DLGAP2: variants seen among roughly 807,000 people sequenced by gnomAD.
DLGAP2 encodes the protein disks large-associated protein 2.
In DLGAP2, 26 loss-of-function variants were observed where a neutral mutation model predicts 100.3. The observed-to-expected ratio is 0.26, with a 90% CI of 0.19 to 0.36. The LOEUF (loss-of-function observed/expected upper bound fraction) is 0.36, where lower values mean the gene tolerates loss of function less well. DLGAP2 is among the 10% of genes least tolerant of loss of function. The pLI, the probability that DLGAP2 is intolerant of heterozygous loss-of-function variation, is 1.00. For synonymous variants in DLGAP2, 886 were observed against 630.1 expected (o/e 1.41, Z -6.08); for missense variants, 1,858 against 1,453.2 (o/e 1.28, Z -4.53).
intron 3 of DLGAP2, among the ~76,000 whole-genome samples, chr8:1,266,418 C>T (rs1258159805): frequency 2.6e-5 from 4 of 152,154 alleles, no homozygotes; most frequent in African/African-American, 4.8e-5. Flanking sequence ...TGTCCCTTCC[C>T]GGGGTCCTCA....
intron 1 of DLGAP2, among the ~76,000 whole-genome samples, chr8:849,105 A>G (rs988368010): frequency 1.3e-5 from 2 of 150,400 alleles, no homozygotes; most frequent in Non-Finnish European, 3.0e-5. Context: ...CCAGTATAGG[A>G]ATGTGCAGTG....
intron 3 of DLGAP2, among the ~76,000 whole-genome samples, chr8:1,364,343 C>T (rs186159819): frequency 1.4e-4 from 22 of 152,284 alleles, no homozygotes; most frequent in Middle Eastern, 6.8e-3. Context: ...AGAATAGGAT[C>T]GTTCTCGTGA....
intron 2 of DLGAP2, among the ~76,000 whole-genome samples, chr8:1,177,541 A>G (rs1013342774): frequency 6.6e-6 from 1 of 152,020 alleles, no homozygotes; most frequent in African/African-American, 2.4e-5. Flanking sequence ...GTGTTGCTTC[A>G]TTTGTTTGTG....
chr8:1,159,593 A>G (rs112789729), intron 2 of DLGAP2, among the ~76,000 whole-genome samples: 7,179 of 123,772 alleles, frequency 0.058, 414 homozygotes, highest in African/African-American at 0.17. Flanking sequence ...GTATTTTTCT[A>G]TCTAGATTTG....
chr8:1,532,229 C>G (rs966649582), intron 4 of DLGAP2, among the ~76,000 whole-genome samples: 13 of 152,196 alleles, frequency 8.5e-5, no homozygotes, highest in African/African-American at 2.4e-4. Context: ...AGGTTTTCCT[C>G]TCACATAACA....
At chr8:1,261,554 T>G (rs934148179) in intron 3 of DLGAP2, among the ~76,000 whole-genome samples, 44 of 5,658 alleles carry the variant, frequency 7.8e-3, no homozygotes, top group Non-Finnish European at 0.012. Flanking sequence ...CAGCCGAGGG[T>G]GGGGGTGGGA....
chr8:1,487,914 C>T (rs1281185803), intron 3 of DLGAP2, among the ~76,000 whole-genome samples: 2 of 152,194 alleles, frequency 1.3e-5, no homozygotes, highest in African/African-American at 2.4e-5. Context: ...TGCTCTGCCA[C>T]GTCCTCAGAT....
At chr8:781,867 T>C (rs1821696159) in intron 1 of DLGAP2, among the ~76,000 whole-genome samples, 1 of 152,092 alleles carries the variant, frequency 6.6e-6, no homozygotes, top group Admixed American at 6.5e-5. Flanking sequence ...GTTTCTTTTG[T>C]GAAAAAGGAG....
chr8:1,651,375 G>C (rs570859433), intron 8 of DLGAP2, among the ~76,000 whole-genome samples: 3 of 152,284 alleles, frequency 2.0e-5, no homozygotes, highest in East Asian at 3.9e-4. Context: ...AAATCCCGAG[G>C]TTCCTGCAGA....
chr8:1,198,952 G>C (rs1209708852), intron 2 of DLGAP2, among the ~76,000 whole-genome samples: 1 of 152,254 alleles, frequency 6.6e-6, no homozygotes, highest in Non-Finnish European at 1.5e-5. Context: ...GACTGTGCTT[G>C]GCAAGGGCTA....
chr8:1,410,383 G>C (rs7814205), intron 3 of DLGAP2, among the ~76,000 whole-genome samples: 42,891 of 152,090 alleles, frequency 0.28, 6,246 homozygotes, highest in East Asian at 0.4. Context: ...GCAGACGCCA[G>C]TCTGACCCCT....
intron 6 of DLGAP2, among the ~76,000 whole-genome samples, chr8:1,605,157 G>A (rs551114861): frequency 4.6e-5 from 7 of 152,156 alleles, no homozygotes; most frequent in East Asian, 1.9e-4. Flanking sequence ...GGAAACAGTG[G>A]GTGAGCAACA....
At chr8:1,363,369 C>A (rs140357362) in intron 3 of DLGAP2, among the ~76,000 whole-genome samples, 2 of 152,138 alleles carry the variant, frequency 1.3e-5, no homozygotes, top group Admixed American at 1.3e-4. Context: ...GCCGGTCCCA[C>A]GTCCGTGGCA....
intron 6 of DLGAP2, among the ~76,000 whole-genome samples, chr8:1,619,492 T>A (rs1797260373): frequency 6.6e-6 from 1 of 152,220 alleles, no homozygotes; most frequent in Non-Finnish European, 1.5e-5. Flanking sequence ...GAAAAATAAA[T>A]TTTTTGGTAA....
At chr8:1,344,404 C>G (rs943813219) in intron 3 of DLGAP2, among the ~76,000 whole-genome samples, 1 of 152,220 alleles carries the variant, frequency 6.6e-6, no homozygotes, top group Non-Finnish European at 1.5e-5. Context: ...GTGTCACTTT[C>G]TCTGAGCAGC....
At chr8:1,066,128 C>G (rs7014751) in intron 2 of DLGAP2, among the ~76,000 whole-genome samples, 4,602 of 151,774 alleles carry the variant, frequency 0.03, 175 homozygotes, top group African/African-American at 0.11. Context: ...ACGGTCAGGT[C>G]TGAGCGAGGA....
At chr8:781,232 T>C (rs528964209) in intron 1 of DLGAP2, among the ~76,000 whole-genome samples, 1 of 152,330 alleles carries the variant, frequency 6.6e-6, no homozygotes, top group East Asian at 1.9e-4. Context: ...TAGTGCCAAA[T>C]TTATAAGCAT....
At chr8:1,363,154 G>A (rs975317645) in intron 3 of DLGAP2, among the ~76,000 whole-genome samples, 4 of 152,246 alleles carry the variant, frequency 2.6e-5, no homozygotes, top group African/African-American at 9.6e-5. Context: ...AAAACCATCT[G>A]CAGGTGGAGC....
At chr8:1,228,395 A>T (rs972800619) in intron 2 of DLGAP2, among the ~76,000 whole-genome samples, 2 of 152,252 alleles carry the variant, frequency 1.3e-5, no homozygotes, top group South Asian at 2.1e-4. Context: ...AGGATAAATT[A>T]ATAACAATCT....
Sources: gnomAD v4.1 joint callset for allele counts (sites outside exome capture counted in the v4.1 genomes callset) on GRCh38, gnomAD v4.1.1 for gene constraint, MANE v1.5 for transcripts, NCBI Gene and HGNC (gene_info 2026-07-23, HGNC 2026-07-21) for gene names.